Variants in NCSTN observed in about 807,000 individuals in gnomAD.
The protein encoded by NCSTN is anterior pharynx-defective 2.
In NCSTN, 22 loss-of-function variants were observed where a neutral mutation model predicts 87.0. That is an observed-to-expected ratio of 0.25 (90% CI 0.18 to 0.36). The LOEUF (loss-of-function observed/expected upper bound fraction) is 0.36. NCSTN is among the 10% of genes least tolerant of loss of function. The probability of loss-of-function intolerance (pLI) is 1.00; values close to 1 mark genes in which losing one functional copy is unlikely to be tolerated. For synonymous variants in NCSTN, 306 were observed against 327.1 expected (o/e 0.94, Z 0.69); for missense variants, 693 against 883.3 (o/e 0.78, Z 2.73).
intron 16 of NCSTN, 119 bp downstream of exon 16, chr1:160,357,372 C>T: frequency 9.6e-7 from 1 of 1,047,006 alleles, no homozygotes; most frequent in Non-Finnish European, 1.4e-6. Flanking sequence ...AAGCCTACTG[C>T]AAATCTGTCC....
intron 3 of NCSTN, 147 bp downstream of exon 3, chr1:160,349,269 C>A: frequency 2.5e-6 from 3 of 1,188,082 alleles, no homozygotes; most frequent in Non-Finnish European, 3.7e-6. Flanking sequence ...GAAAGGTGTA[C>A]CATCAAAAGA....
chr1:160,345,032 C>T (rs1248249223), intron 2 of NCSTN: 7 of 630,262 alleles, frequency 1.1e-5, no homozygotes, highest in Non-Finnish European at 2.0e-5. Context: ...TTTACATGTG[C>T]ATCTCATACA....
Position 160,352,194 on chromosome 1 carries a change from C to T in NCSTN, c.984C>T (p.Val328=). 4 of 1,614,072 alleles carry T rather than the reference C, an allele frequency of 2.5e-6. No homozygotes were observed. In the South Asian group the frequency reaches 4.4e-5, roughly 18 times the overall value. Residue 328 remains valine, a synonymous_variant, in exon 8 of 17, where the codon GTC becomes GTT. Transcript: ENST00000294785. ...CCCTGCCCCGCAATGTCATGTTTGT[C>T]TTCTTTCAAGGGGTAAGGGCTCTTT... ...VTTLPRNVMF[V]FFQGETFDYI... is the part of the protein sequence containing the mutation.
In NCSTN at chr1:160,349,652, T is replaced by G. The variant is rs746948463; in HGVS notation, c.418T>G (p.Cys140Gly). 4 of 1,613,924 alleles carry G rather than the reference T, an allele frequency of 2.5e-6. No individual in the cohort carries two copies. In the Admixed American group the frequency reaches 6.7e-5, roughly 27 times the overall value. Residue 140 changes from cysteine (C) to glycine (G), a missense_variant, in exon 4 of 17, where the codon TGC (cysteine) becomes GGC (glycine). This residue lies in a region of NCSTN where 235 missense variants were observed against 233.9 expected (regional missense o/e 1.00). Coordinates refer to ENST00000294785, the MANE Select transcript of NCSTN (RefSeq NM_015331.3). ...CTCAGGCTTCTCTCCTAGTGTACAG[T>G]GCCCAAATGATGGGTTTGGTAAGTG... is the stretch of plus-strand genomic sequence containing the variant. ...PASGFSPSVQ[C>G]PNDGFGVYSN...
chr1:160,357,311 C>T (rs1309098548), intron 16 of NCSTN, 58 bp downstream of exon 16: 24 of 1,485,468 alleles, frequency 1.6e-5, no homozygotes, highest in Non-Finnish European at 2.0e-5. Context: ...TCTCTGCTTT[C>T]TTGTGTCATA....
Position 160,344,842 on chromosome 1 carries a change from T to C in NCSTN, c.190+16T>C. ...GGCTGCCAGTGTGAGTTGAGATGGA[T>C]TCATGTTTGTGGACATTGATATTTG... is the stretch of plus-strand genomic sequence containing the variant. On this transcript the variant is annotated intron_variant, in intron 2 of 16. Transcript: ENST00000294785. 6.3e-7 allele frequency: 1 copy of C among 1,594,616 alleles called. No homozygotes were observed. Among genetic ancestry groups the C allele is most frequent in the Non-Finnish European group, 8.6e-7 (1 of 1,162,478 alleles).
rs1220956326 is a variant in NCSTN, at chr1:160,351,727, T to C, written c.765T>C (p.Asn255=). ...TCTGTGACCCCCTGTCTGATTACAA[T>C]GTGTGGAGCATGCTAAAGCCTATAA... ...EIVCDPLSDY[N]VWSMLKPINT... is the part of the protein sequence containing the mutation. The change falls in exon 7 of 17, where the codon AAT becomes AAC. Residue 255 remains asparagine (N), a synonymous_variant. Transcript: ENST00000294785. 1.2e-6 allele frequency: 2 copies of C among 1,612,398 alleles called. No individual in the cohort carries two copies. The highest frequency in any genetic ancestry group is 2.7e-5 in the African/African-American group (2 of 74,998).
intron 3 of NCSTN, 51 bp downstream of exon 3, chr1:160,349,173 A>T: frequency 6.2e-7 from 1 of 1,609,840 alleles, no homozygotes; most frequent in Non-Finnish European, 8.5e-7. Context: ...GGAAAGTTTC[A>T]GTGAACAGTC....
chr1:160,354,368 C>T, intron 11 of NCSTN, 78 bp downstream of exon 11: 4 of 1,491,968 alleles, frequency 2.7e-6, no homozygotes, highest in Middle Eastern at 1.7e-4. Flanking sequence ...GGTCACTGCC[C>T]TCCGCTTTCC....
Position 160,354,288 on chromosome 1 carries a change from CA to C in NCSTN, c.1352del (p.Lys451AsnfsTer15). The C allele has an allele frequency of 6.2e-7, 1 of 1,614,112 alleles. No homozygotes were observed. The highest frequency in any genetic ancestry group is 8.5e-7 in the Non-Finnish European group (1 of 1,179,972). Reference sequence around the variant, plus strand: ...CTGACCACTCTGGTGCCTTCCATAACAAGTAAGAATCACTTGGCCCTGCACC... The same window carrying C: ...CTGACCACTCTGGTGCCTTCCATAACAGTAAGAATCACTTGGCCCTGCACC... ...LADHSGAFHN[K>X]YYQSIYDTAE... On this transcript the variant is annotated frameshift_variant and splice_region_variant, in exon 11 of 17. Transcript: ENST00000294785. LOFTEE classifies it high-confidence loss of function.
rs1387842278 is a variant in NCSTN at position 160,358,633 on chromosome 1, C to G, written c.*362C>G. On this transcript the variant is annotated 3_prime_UTR_variant, in exon 17 of 17. Transcript: ENST00000294785. ...CCCTGTACCTCTCTCTGCTCCTCAC[C>G]CCCACCCCTGTACCCAGCCACCTTC... 2.8e-6 allele frequency: 1 copy of G among 355,484 alleles called. No individual in the cohort carries two copies. Among genetic ancestry groups the G allele is most frequent in the Non-Finnish European group, 5.5e-6 (1 of 182,638 alleles). The allele number at this position is 355,484 out of a possible 1,614,324, so 22.0% of individuals were successfully genotyped here. A position where few individuals can be genotyped will look rare whatever the true frequency, so the allele number is the denominator to read the frequency against.
At chr1:160,356,184 G>A in intron 13 of NCSTN, 76 bp from the exon 14 acceptor site, 4 of 1,310,944 alleles carry the variant, frequency 3.1e-6, no homozygotes, top group Admixed American at 1.7e-5. Flanking sequence ...CCCCATGACT[G>A]GGTCTCCACT....
chr1:160,354,156 T>C lies in NCSTN; in HGVS notation c.1218T>C (p.Ala406=). ...DLLATLEKSG[A]GVPAVILRRP... Reference sequence around the variant, plus strand: ...TGGCCACATTGGAGAAGAGTGGTGCTGGTGTCCCTGCTGTCATCCTCAGGA... The same window carrying C: ...TGGCCACATTGGAGAAGAGTGGTGCCGGTGTCCCTGCTGTCATCCTCAGGA... Residue 406 remains alanine, a synonymous_variant, in exon 11 of 17, where the codon GCT becomes GCC. Transcript: ENST00000294785. The C allele has an allele frequency of 6.2e-7, 1 of 1,614,176 alleles. No homozygotes were observed. Among genetic ancestry groups the C allele is most frequent in the Non-Finnish European group, 8.5e-7 (1 of 1,180,014 alleles).
intron 2 of NCSTN, among the ~76,000 whole-genome samples, chr1:160,347,155 G>A (rs980756793): frequency 6.6e-6 from 1 of 152,198 alleles, no homozygotes. Flanking sequence ...AAACAAGAGG[G>A]GGTAAGCGGG....
In NCSTN at chr1:160,353,155, C is replaced by G. The variant is rs866536656; in HGVS notation, c.1102-5C>G. On this transcript the variant is annotated splice_region_variant and splice_polypyrimidine_tract_variant and intron_variant, in intron 9 of 16. Transcript: ENST00000294785. ...CTAAGTGTTGTTTCTTCATCCTCCCCCCAGGTGGCCTTAAGAACTTCATTA... is the reference window on the plus strand; with the variant it reads ...CTAAGTGTTGTTTCTTCATCCTCCCGCCAGGTGGCCTTAAGAACTTCATTA... 1.2e-6 allele frequency: 2 copies of G among 1,614,022 alleles called. No homozygotes were observed. Among genetic ancestry groups the G allele is most frequent in the South Asian group, 1.1e-5 (1 of 91,076 alleles).
At chr1:160,349,953 G>A in intron 4 of NCSTN, 152 bp from the exon 5 acceptor site, 2 of 1,018,286 alleles carry the variant, frequency 2.0e-6, no homozygotes, top group Non-Finnish European at 3.1e-6. Flanking sequence ...CTATTTTAGT[G>A]TGGATGGTAA....
Position 160,343,413 on chromosome 1 carries a change from GTGGCTCTGGGGC to G in NCSTN, c.20_31del (p.Gly7_Ala10del). 1 of 1,613,022 alleles carries G rather than the reference GTGGCTCTGGGGC, an allele frequency of 6.2e-7. No individual in the cohort carries two copies. Among genetic ancestry groups the G allele is most frequent in the South Asian group, 1.1e-5 (1 of 90,772 alleles). Reference sequence around the variant, plus strand: ...AGAGGCAAGATGGCTACGGCAGGGGGTGGCTCTGGGGCTGACCCGGGAAGTCGGGGTCTCCTT... The same window carrying G: ...AGAGGCAAGATGGCTACGGCAGGGGGTGACCCGGGAAGTCGGGGTCTCCTT... On this transcript the variant is annotated inframe_deletion, in exon 1 of 17. Transcript: ENST00000294785.
chr1:160,348,876 G>T, intron 2 of NCSTN, 123 bp from the exon 3 acceptor site: 2 of 1,358,540 alleles, frequency 1.5e-6, no homozygotes, highest in Non-Finnish European at 2.1e-6. Flanking sequence ...AAATCTAGAG[G>T]TGCCTGTATT....
intron 2 of NCSTN, among the ~76,000 whole-genome samples, chr1:160,347,372 A>T (rs1392386122): frequency 6.6e-6 from 1 of 152,200 alleles, no homozygotes; most frequent in Non-Finnish European, 1.5e-5. Context: ...TAAAGTTCTC[A>T]AAGGGGGCTT....
Sources: gnomAD v4.1 joint callset for allele counts (sites outside exome capture counted in the v4.1 genomes callset) on GRCh38, gnomAD v4.1.1 for gene constraint, gnomAD v4.1.1 regional missense constraint, MANE v1.5 for transcripts, NCBI Gene and HGNC (gene_info 2026-07-23, HGNC 2026-07-21) for gene names.